Variants in GALNT11 observed in about 807,000 individuals in gnomAD.
GALNT11 encodes the protein UDP-GalNAc:polypeptide N-acetylgalactosaminyltransferase 11.
In GALNT11, 47 loss-of-function variants were observed where a neutral mutation model predicts 72.7. The ratio of observed to expected loss-of-function variants is 0.65; its 90% CI spans 0.51 to 0.82. The LOEUF (loss-of-function observed/expected upper bound fraction) is 0.82. Ranked by LOEUF, GALNT11 falls within the 40% of genes least tolerant of loss-of-function variation. GALNT11 has a pLI of 0.00. For missense variants in GALNT11, 677 were observed against 778.4 expected, an observed-to-expected ratio of 0.87 and a Z score of 1.55; for synonymous variants, 270 against 286.6, an observed-to-expected ratio of 0.94 and a Z score of 0.58.
At chr7:152,087,178 GT>G (rs1363161292) in intron 1 of GALNT11, among the ~76,000 whole-genome samples, 1 of 152,228 alleles carries the variant, frequency 6.6e-6, no homozygotes, top group African/African-American at 2.4e-5. Context: ...CAGGGAATAA[GT>G]AATTATGTAT....
rs542458742 is a variant in GALNT11 at position 152,039,162 on chromosome 7, A to G, written c.-39+13278A>G. Among the ~76,000 whole-genome samples, 6 of 152,330 alleles carry G rather than the reference A, an allele frequency of 3.9e-5. No homozygotes were observed. In the East Asian group the frequency reaches 9.6e-4, roughly 24 times the overall value. ...GCCATGGCACGCAGACTGAGGTGCA[A>G]TTCAAGCTAAACATCCCCTAGGGGA... On this transcript the variant is annotated intron_variant, in intron 1 of 11. Coordinates refer to ENST00000430044, the MANE Select transcript of GALNT11 (RefSeq NM_022087.4).
chr7:152,045,134 C>T (rs1265623667), intron 1 of GALNT11, among the ~76,000 whole-genome samples: 2 of 151,950 alleles, frequency 1.3e-5, no homozygotes, highest in Non-Finnish European at 1.5e-5. Context: ...GGGATAAATC[C>T]CACTTAGTCA....
At chr7:152,040,824 T>G (rs1365891111) in intron 1 of GALNT11, among the ~76,000 whole-genome samples, 1 of 152,192 alleles carries the variant, frequency 6.6e-6, no homozygotes, top group Non-Finnish European at 1.5e-5. Flanking sequence ...AAACTTTACC[T>G]TTTGAGCCAG....
intron 1 of GALNT11, among the ~76,000 whole-genome samples, chr7:152,066,394 G>A (rs1191792989): frequency 6.6e-6 from 1 of 152,194 alleles, no homozygotes; most frequent in African/African-American, 2.4e-5. Flanking sequence ...CCCAGATGAG[G>A]CGATGCCTCG....
rs543319446 is a variant in GALNT11 at position 152,045,009 on chromosome 7, A to G, written c.-39+19125A>G. On this transcript the variant is annotated intron_variant, in intron 1 of 11. Coordinates refer to ENST00000430044, the MANE Select transcript of GALNT11 (RefSeq NM_022087.4). ...TTATCATGAAAGGATGTTTAATTTT[A>G]CCAAATTCTTTTTCAGCATCAATTG... is the stretch of plus-strand genomic sequence containing the variant. 3.9e-5 allele frequency among the ~76,000 whole-genome samples: 6 copies of G among 152,184 alleles called. No individual in the cohort carries two copies. The South Asian group carries it at 1.2e-3, about 32-fold the overall frequency.
intron 2 of GALNT11, among the ~76,000 whole-genome samples, chr7:152,098,303 G>A (rs1223731275): frequency 6.6e-6 from 1 of 151,966 alleles, no homozygotes; most frequent in South Asian, 2.1e-4. Flanking sequence ...CTGAGTGTGG[G>A]GGCGCATGGC....
intron 1 of GALNT11, among the ~76,000 whole-genome samples, chr7:152,026,717 A>T (rs1482796135): frequency 6.6e-6 from 1 of 152,258 alleles, no homozygotes; most frequent in Non-Finnish European, 1.5e-5. Flanking sequence ...GCAGAGGCTC[A>T]AAAGAATGTA....
chr7:152,121,432 A>T, intron 11 of GALNT11, 114 bp from the exon 12 acceptor site: 1 of 1,287,480 alleles, frequency 7.8e-7, no homozygotes, highest in Non-Finnish European at 1.1e-6. Flanking sequence ...ACCTTTGGCT[A>T]AGAGGGGACT....
intron 1 of GALNT11, among the ~76,000 whole-genome samples, chr7:152,049,808 A>G (rs530989857): frequency 1.2e-3 from 187 of 152,146 alleles, no homozygotes; most frequent in African/African-American, 4.2e-3. Flanking sequence ...GCTCTATTCT[A>G]CTGCGGCTGA....
chr7:152,068,189 C>T (rs1019076103), intron 1 of GALNT11, among the ~76,000 whole-genome samples: 2 of 152,166 alleles, frequency 1.3e-5, no homozygotes, highest in South Asian at 4.1e-4. Context: ...CCTCCCCACC[C>T]TATGAGCCCC....
At chr7:152,090,108 G>T (rs1405081973) in intron 1 of GALNT11, among the ~76,000 whole-genome samples, 1 of 152,174 alleles carries the variant, frequency 6.6e-6, no homozygotes, top group African/African-American at 2.4e-5. Flanking sequence ...ATAGGGAGGG[G>T]CTGTTATCAT....
chr7:152,082,429 T>C (rs2085375031), intron 1 of GALNT11, among the ~76,000 whole-genome samples: 1 of 152,160 alleles, frequency 6.6e-6, no homozygotes, highest in African/African-American at 2.4e-5. Flanking sequence ...GGCTAGCAAC[T>C]TAGAACTTTT....
At chr7:152,117,069 C>A in intron 8 of GALNT11, 88 bp from the exon 9 acceptor site, 1 of 1,139,730 alleles carries the variant, frequency 8.8e-7, no homozygotes, top group Non-Finnish European at 1.3e-6. Context: ...TAGTAATGGA[C>A]TTAATCGTGT....
chr7:152,043,782 C>T (rs1276740887), intron 1 of GALNT11, among the ~76,000 whole-genome samples: 1 of 152,138 alleles, frequency 6.6e-6, no homozygotes, highest in East Asian at 1.9e-4. Flanking sequence ...CCTCCATTGC[C>T]GCTTTACCTT....
chr7:152,084,735 C>T (rs1203396814), intron 1 of GALNT11, among the ~76,000 whole-genome samples: 1 of 152,154 alleles, frequency 6.6e-6, no homozygotes, highest in Non-Finnish European at 1.5e-5. Flanking sequence ...AACAGAAATA[C>T]ACTTCAAAAA....
rs565233028 is a variant in GALNT11 at position 152,055,497 on chromosome 7, C to T, written c.-39+29613C>T. The stretch of plus-strand genomic sequence containing the variant: ...TGACTTCTCATTTCATAATAAGTTA[C>T]GAGGTATTTGGTATATATAAAGCGT... On this transcript the variant is annotated intron_variant, in intron 1 of 11. Transcript: ENST00000430044. 4.8e-5 allele frequency among the ~76,000 whole-genome samples: 7 copies of T among 147,080 alleles called. No homozygotes were observed. The South Asian group carries it at 6.5e-4, about 14-fold the overall frequency.
At chr7:152,070,206 C>T (rs1048344584) in intron 1 of GALNT11, among the ~76,000 whole-genome samples, 19 of 152,060 alleles carry the variant, frequency 1.2e-4, no homozygotes, top group Non-Finnish European at 2.1e-4. Context: ...CTGTGTTAGC[C>T]AGGATGGTCT....
At chr7:152,089,770 T>G (rs2085892321) in intron 1 of GALNT11, among the ~76,000 whole-genome samples, 1 of 152,044 alleles carries the variant, frequency 6.6e-6, no homozygotes, top group South Asian at 2.1e-4. Flanking sequence ...TAACAAAGAG[T>G]TATTAGCATA....
chr7:152,087,852 A>G (rs371521895), intron 1 of GALNT11, among the ~76,000 whole-genome samples: 21 of 152,232 alleles, frequency 1.4e-4, no homozygotes, highest in African/African-American at 5.1e-4. Context: ...TGAGTATCCA[A>G]TAAGATGGAC....
Sources: allele counts gnomAD v4.1 joint callset (sites outside exome capture counted in the v4.1 genomes callset), GRCh38; gene constraint gnomAD v4.1.1; transcripts MANE v1.5; gene names NCBI Gene and HGNC (gene_info 2026-07-23, HGNC 2026-07-21).